The following TNRC6A variants were observed in gnomAD, a reference collection of about 807,000 sequenced individuals.
TNRC6A encodes trinucleotide repeat-containing gene 6A protein.
Under a neutral mutation model 221.2 loss-of-function variants are expected in TNRC6A, and 44 were observed. The observed-to-expected ratio is 0.20, with a 90% CI of 0.16 to 0.26. TNRC6A has a LOEUF of 0.26. Ranked by LOEUF, TNRC6A falls within the 10% of genes least tolerant of loss-of-function variation. The pLI is 1.00. For missense variants in TNRC6A, 2,199 were observed against 2,404.4 expected (o/e 0.91, Z 1.79); for synonymous variants, 847 against 838.5 (o/e 1.01, Z -0.18).
In TNRC6A at chr16:24,822,099, C is replaced by T. The variant is rs776961315; in HGVS notation, c.5325C>T (p.Ser1775=). The change falls in exon 23 of 25, where the codon AGC becomes AGT. Residue 1775 remains serine (S), a synonymous_variant. Coordinates refer to ENST00000395799, the MANE Select transcript of TNRC6A (RefSeq NM_014494.4). ...YTPGSSWGES[S]SGRITNWLVL... ...TAGGTTCCAGCTGGGGTGAGAGCAG[C>T]TCAGGGAGAATAACAAATTGGCTTG... is the stretch of plus-strand genomic sequence containing the variant. 6.2e-7 allele frequency: 1 copy of T among 1,614,102 alleles called. No homozygotes were observed. Among genetic ancestry groups the T allele is most frequent in the East Asian group, 2.2e-5 (1 of 44,868 alleles).
At chr16:24,785,015 A>T (rs1247096218) in intron 5 of TNRC6A, among the ~76,000 whole-genome samples, 2 of 152,142 alleles carry the variant, frequency 1.3e-5, no homozygotes, top group Non-Finnish European at 2.9e-5. Flanking sequence ...GATTATTTTT[A>T]TTTATTATCT....
At chr16:24,710,727 T>C (rs540805776) in intron 2 of TNRC6A, among the ~76,000 whole-genome samples, 2 of 145,728 alleles carry the variant, frequency 1.4e-5, no homozygotes, top group African/African-American at 5.0e-5. Context: ...CTCATCAAAC[T>C]TTTTTTTTTT....
At chr16:24,614,163 A>G (rs937865773) in intron 1 of TNRC6A, among the ~76,000 whole-genome samples, 7 of 152,322 alleles carry the variant, frequency 4.6e-5, no homozygotes, top group African/African-American at 1.7e-4. Flanking sequence ...GTGTCTCCCT[A>G]GCTAGAGGGC....
intron 2 of TNRC6A, among the ~76,000 whole-genome samples, chr16:24,651,276 C>T (rs567928775): frequency 2.3e-4 from 35 of 151,986 alleles, no homozygotes; most frequent in Middle Eastern, 3.4e-3. Flanking sequence ...CCGTGCCTCA[C>T]GCCTGTAATC....
intron 5 of TNRC6A, among the ~76,000 whole-genome samples, chr16:24,778,071 G>C (rs73551526): frequency 0.068 from 10,289 of 152,198 alleles, 860 homozygotes; most frequent in East Asian, 0.36. Flanking sequence ...AGGGTTGAGG[G>C]GGAATGAAGG....
At chr16:24,653,552 G>A (rs1295798030) in intron 2 of TNRC6A, among the ~76,000 whole-genome samples, 1 of 152,170 alleles carries the variant, frequency 6.6e-6, no homozygotes, top group Non-Finnish European at 1.5e-5. Flanking sequence ...GAGGCGGGCA[G>A]ATCACCTGAT....
chr16:24,822,041 C>G (rs1014607552), intron 22 of TNRC6A, 36 bp from the exon 23 acceptor site: 3 of 1,608,442 alleles, frequency 1.9e-6, no homozygotes, highest in Non-Finnish European at 2.6e-6. Context: ...TCTTTCAGTC[C>G]TGGAAAACTG....
intron 2 of TNRC6A, among the ~76,000 whole-genome samples, chr16:24,710,423 CAT>C (rs2056183038): frequency 6.6e-6 from 1 of 152,098 alleles, no homozygotes; most frequent in Non-Finnish European, 1.5e-5. Context: ...GCCTGGGCAA[CAT>C]AGAAAGGTGC....
intron 18 of TNRC6A, among the ~76,000 whole-genome samples, chr16:24,814,409 CTTT>C (rs1174753134): frequency 1.7e-5 from 2 of 116,764 alleles, no homozygotes; most frequent in Non-Finnish European, 1.7e-5. Context: ...TTTTTTTTTT[CTTT>C]TTTTTTTTTT....
intron 1 of TNRC6A, among the ~76,000 whole-genome samples, chr16:24,629,495 C>A (rs966371554): frequency 6.6e-6 from 1 of 152,026 alleles, no homozygotes; most frequent in African/African-American, 2.4e-5. Flanking sequence ...GTTAACTCAC[C>A]ATTCCGCTTA....
At chr16:24,766,674 CTTTTTTTT>C (rs397972605) in intron 4 of TNRC6A, among the ~76,000 whole-genome samples, 1 of 121,414 alleles carries the variant, frequency 8.2e-6, no homozygotes, top group Non-Finnish European at 1.7e-5. Flanking sequence ...TTCTTTTTAT[CTTTTTTTT>C]TTTTTTTTTT....
At chr16:24,759,065 CAAAA>C (rs1162772441) in intron 4 of TNRC6A, among the ~76,000 whole-genome samples, 1 of 151,144 alleles carries the variant, frequency 6.6e-6, no homozygotes, top group Non-Finnish European at 1.5e-5. Flanking sequence ...TCTTACCCCT[CAAAA>C]AAAAGATGAA....
At chr16:24,623,205 TA>T (rs1900773903) in intron 1 of TNRC6A, among the ~76,000 whole-genome samples, 4 of 148,244 alleles carry the variant, frequency 2.7e-5, no homozygotes, top group Admixed American at 1.3e-4. Flanking sequence ...TTATTTTATT[TA>T]TTTTTTTTTT....
At chr16:24,783,527 AT>A (rs5816267) in intron 5 of TNRC6A, among the ~76,000 whole-genome samples, 467 of 145,304 alleles carry the variant, frequency 3.2e-3, no homozygotes, top group African/African-American at 8.4e-3. Context: ...ATTATGTACA[AT>A]TTTTTTTTTT....
At chr16:24,797,416 T>G in intron 9 of TNRC6A, 74 bp from the exon 10 acceptor site, 1 of 1,139,060 alleles carries the variant, frequency 8.8e-7, no homozygotes, top group African/African-American at 1.6e-5. Flanking sequence ...TGTCTTAAGT[T>G]TTATTAATCC....
At chr16:24,617,939 C>T (rs1900455719) in intron 1 of TNRC6A, among the ~76,000 whole-genome samples, 1 of 152,032 alleles carries the variant, frequency 6.6e-6, no homozygotes, top group Non-Finnish European at 1.5e-5. Context: ...CTCACTCTAT[C>T]GCCCAGGCTG....
At chr16:24,731,030 T>C (rs926613372) in intron 2 of TNRC6A, among the ~76,000 whole-genome samples, 9 of 151,592 alleles carry the variant, frequency 5.9e-5, no homozygotes, top group East Asian at 1.9e-4. Context: ...TTTAGCTTCA[T>C]TGAGCTGTAA....
chr16:24,710,179 C>T (rs140799987), intron 2 of TNRC6A, among the ~76,000 whole-genome samples: 4,238 of 150,484 alleles, frequency 0.028, 208 homozygotes, highest in African/African-American at 0.098. Flanking sequence ...GAGCCGAGAT[C>T]GCGCCATTGC....
chr16:24,821,781 C>T (rs2058770665), intron 22 of TNRC6A: 1 of 432,390 alleles, frequency 2.3e-6, no homozygotes, highest in East Asian at 4.1e-5. Context: ...ATTATTTTAG[C>T]TCCTATCAAT....
Sources: allele counts gnomAD v4.1 joint callset (sites outside exome capture counted in the v4.1 genomes callset), GRCh38; gene constraint gnomAD v4.1.1; transcripts MANE v1.5; gene names NCBI Gene and HGNC (gene_info 2026-07-23, HGNC 2026-07-21).